Variants in CADPS observed in about 807,000 individuals in gnomAD.
The protein encoded by CADPS is calcium dependent secretion activator.
Under a neutral mutation model 167.3 loss-of-function variants are expected in CADPS, and 57 were observed. The ratio of observed to expected loss-of-function variants is 0.34; its 90% CI spans 0.28 to 0.42. The LOEUF (loss-of-function observed/expected upper bound fraction) is 0.42. CADPS is among the 20% of genes least tolerant of loss of function. The pLI, the probability that CADPS is intolerant of heterozygous loss-of-function variation, is 1.00. For synonymous variants in CADPS, 676 were observed against 635.3 expected (o/e 1.06, Z -0.96); for missense variants, 1,414 against 1,738.1 (o/e 0.81, Z 3.32).
chr3:62,519,943 C>T (rs2070043839), intron 13 of CADPS, among the ~76,000 whole-genome samples: 2 of 152,258 alleles, frequency 1.3e-5, no homozygotes, highest in Non-Finnish European at 1.5e-5. Context: ...TTTTAAATTT[C>T]TTTAAACAAC....
chr3:62,854,858 TTCATA>T (rs2079347921), intron 1 of CADPS, among the ~76,000 whole-genome samples: 1 of 152,116 alleles, frequency 6.6e-6, no homozygotes, highest in Non-Finnish European at 1.5e-5. Flanking sequence ...TCCTTTATAT[TTCATA>T]TATTTTTATT....
chr3:62,683,529 C>T (rs1310218690), intron 3 of CADPS, among the ~76,000 whole-genome samples: 1 of 152,098 alleles, frequency 6.6e-6, no homozygotes, highest in East Asian at 1.9e-4. Flanking sequence ...GTCTATCCCA[C>T]ACCCAGCAAC....
intron 8 of CADPS, among the ~76,000 whole-genome samples, chr3:62,576,834 G>C (rs1234234600): frequency 1.7e-5 from 2 of 114,560 alleles, no homozygotes; most frequent in African/African-American, 6.9e-5. Flanking sequence ...CTAGTAGAAA[G>C]AGTAAATAAT....
At chr3:62,524,556 G>T (rs1192403040) in intron 13 of CADPS, among the ~76,000 whole-genome samples, 1 of 152,142 alleles carries the variant, frequency 6.6e-6, no homozygotes, top group Non-Finnish European at 1.5e-5. Flanking sequence ...CTCCAAACAA[G>T]GCTTGGAAGG....
intron 6 of CADPS, among the ~76,000 whole-genome samples, chr3:62,609,988 C>A (rs1245978696): frequency 6.6e-6 from 1 of 151,934 alleles, no homozygotes; most frequent in African/African-American, 2.4e-5. Flanking sequence ...ACTTGGGGAG[C>A]TGAGGTGGGA....
At chr3:62,475,704 C>G (rs1270267188) in intron 23 of CADPS, among the ~76,000 whole-genome samples, 1 of 150,798 alleles carries the variant, frequency 6.6e-6, no homozygotes, top group Admixed American at 6.6e-5. Flanking sequence ...ATTCAGTGCA[C>G]TCAAGTAGCT....
chr3:62,599,688 ATAT>A lies in CADPS; in HGVS notation c.1326-6943_1326-6941del, dbSNP rs1163699510. 2.9e-3 allele frequency among the ~76,000 whole-genome samples: 140 copies of A among 48,776 alleles called. 1 individual carries two copies. The highest frequency in any genetic ancestry group is 0.012 in the African/African-American group (126 of 10,244). 32.0% of individuals were successfully genotyped at this position (48,776 alleles called of 152,430 possible). A position where few individuals can be genotyped will look rare whatever the true frequency, so the allele number is the denominator to read the frequency against. On this transcript the variant is annotated intron_variant, in intron 6 of 29. Coordinates refer to ENST00000383710, the MANE Select transcript of CADPS (RefSeq NM_003716.4). The stretch of plus-strand genomic sequence containing the variant: ...TATATTATATATACAATATTATATA[ATAT>A]TATAATATATATATTATATAATATA...
chr3:62,773,863 T>C lies in CADPS; in HGVS notation c.442-7879A>G, dbSNP rs149120834. 1.5e-3 allele frequency among the ~76,000 whole-genome samples: 221 copies of C among 152,282 alleles called. 1 individual carries two copies. The highest frequency in any genetic ancestry group is 0.012 in the Admixed American group (178 of 15,296). ...GCTGAATATAAGTTAATTACTACTT[T>C]TAAAAAATGAGGTCAATTTTAAAAT... is the stretch of plus-strand genomic sequence containing the variant. On this transcript the variant is annotated intron_variant, in intron 1 of 29. Coordinates refer to ENST00000383710, the MANE Select transcript of CADPS (RefSeq NM_003716.4).
chr3:62,846,986 A>G (rs2077557453), intron 1 of CADPS, among the ~76,000 whole-genome samples: 1 of 152,198 alleles, frequency 6.6e-6, no homozygotes, highest in Non-Finnish European at 1.5e-5. Context: ...TCTTTTAGTT[A>G]GTATTAAAAA....
intron 3 of CADPS, among the ~76,000 whole-genome samples, chr3:62,696,106 G>A (rs1171378434): frequency 2.0e-5 from 3 of 151,250 alleles, no homozygotes; most frequent in East Asian, 3.9e-4. Context: ...TAGTCAAAGA[G>A]GTGACCTGGG....
chr3:62,620,826 T>C (rs1562986280), intron 6 of CADPS, among the ~76,000 whole-genome samples: 1 of 152,192 alleles, frequency 6.6e-6, no homozygotes, highest in South Asian at 2.1e-4. Flanking sequence ...TACCTGTGAC[T>C]GAGGGCCTGG....
chr3:62,438,340 A>C lies in CADPS; in HGVS notation c.3670-129T>G. 1 of 664,000 alleles carries C rather than the reference A, an allele frequency of 1.5e-6. No homozygotes were observed. The highest frequency in any genetic ancestry group is 1.8e-5 in the South Asian group (1 of 54,414). 41.1% of individuals were successfully genotyped at this position (664,000 alleles called of 1,614,324 possible). ...CTTCTGCTGGATCAGCTTTGTAGGC[A>C]TGGGATTGCTGTCCACAGCCTGGGC... is the stretch of plus-strand genomic sequence containing the variant. On this transcript the variant is annotated intron_variant, in intron 27 of 29. Coordinates refer to ENST00000383710, the MANE Select transcript of CADPS (RefSeq NM_003716.4). This position sits in a 1 kb window ranked among gnomAD's most constrained non-coding sequence, Gnocchi z 4.7.
intron 6 of CADPS, among the ~76,000 whole-genome samples, chr3:62,623,600 A>C (rs2063519842): frequency 6.6e-6 from 1 of 152,120 alleles, no homozygotes. Flanking sequence ...ATAAATTCCT[A>C]GTCCTTCTGC....
At chr3:62,419,472 G>A (rs1469738526) in intron 28 of CADPS, among the ~76,000 whole-genome samples, 3 of 152,144 alleles carry the variant, frequency 2.0e-5, no homozygotes, top group Admixed American at 2.0e-4. Flanking sequence ...GCACTTTCAA[G>A]TCGTCTCAAT....
intron 5 of CADPS, among the ~76,000 whole-genome samples, chr3:62,647,055 C>T (rs1035488957): frequency 1.8e-4 from 27 of 151,930 alleles, no homozygotes; most frequent in African/African-American, 6.5e-4. Context: ...TCACAAGAGA[C>T]CGGGGAGGGA....
intron 3 of CADPS, among the ~76,000 whole-genome samples, chr3:62,666,181 C>T (rs912557743): frequency 4.6e-5 from 7 of 152,144 alleles, no homozygotes; most frequent in Non-Finnish European, 1.0e-4. Flanking sequence ...GGTCGAGTCC[C>T]CTTGCTCTGT....
intron 3 of CADPS, among the ~76,000 whole-genome samples, chr3:62,702,016 C>T (rs750735565): frequency 6.6e-6 from 1 of 152,090 alleles, no homozygotes; most frequent in Non-Finnish European, 1.5e-5. Flanking sequence ...TACCGAGTGC[C>T]AGATGTATAC....
At chr3:62,775,599 A>G (rs73106336) in intron 1 of CADPS, among the ~76,000 whole-genome samples, 20,211 of 152,234 alleles carry the variant, frequency 0.13, 1,405 homozygotes, top group South Asian at 0.16. Flanking sequence ...TCTTGAAGTA[A>G]CAGGCTCCCT....
chr3:62,579,725 T>C (rs1408407891), intron 8 of CADPS, among the ~76,000 whole-genome samples: 2 of 152,140 alleles, frequency 1.3e-5, no homozygotes, highest in South Asian at 4.2e-4. Flanking sequence ...CTTGTAGTCA[T>C]GGTAACAACA....
Sources: gnomAD v4.1 joint callset for allele counts (sites outside exome capture counted in the v4.1 genomes callset) on GRCh38, gnomAD v4.1.1 for gene constraint, Gnocchi (gnomAD v3.1) non-coding constraint, MANE v1.5 for transcripts, NCBI Gene and HGNC (gene_info 2026-07-23, HGNC 2026-07-21) for gene names.